Variants in STK31 observed in about 807,000 individuals in gnomAD.
STK31 encodes the protein serine/threonine-protein kinase 31.
STK31 carries 89 observed loss-of-function variants against 129.7 expected under a neutral mutation model. That is an observed-to-expected ratio of 0.69 (90% CI 0.58 to 0.82). The LOEUF (loss-of-function observed/expected upper bound fraction) is 0.82, where lower values mean the gene tolerates loss of function less well. STK31 is among the 40% of genes least tolerant of loss of function. The pLI is 0.00. For synonymous variants in STK31, 448 were observed against 395.3 expected (o/e 1.13, Z -1.58); for missense variants, 1,187 against 1,176.4 (o/e 1.01, Z -0.13).
chr7:23,808,169 A>ATATAT (rs10643943), intron 22 of STK31, among the ~76,000 whole-genome samples: 2 of 146,420 alleles, frequency 1.4e-5, no homozygotes, highest in Non-Finnish European at 1.5e-5. Context: ...ATATATATAT[A>ATATAT]TTTTTTGTAG....
At chr7:23,730,878 A>ATATATATATATATATATATATTTTTTT in intron 6 of STK31, among the ~76,000 whole-genome samples, 47 of 59,480 alleles carry the variant, frequency 7.9e-4, no homozygotes, top group South Asian at 1.6e-3. Flanking sequence ...ATATATATAT[A>ATATATATATATATATATATATTTTTTT]TTTTTTTTTT....
intron 22 of STK31, among the ~76,000 whole-genome samples, chr7:23,809,765 C>T (rs1562622302): frequency 6.6e-6 from 1 of 152,150 alleles, no homozygotes; most frequent in African/African-American, 2.4e-5. Flanking sequence ...AATTAAAGTG[C>T]TCCTTCCCCA....
At chr7:23,715,416 G>T (rs995930970) in intron 3 of STK31, among the ~76,000 whole-genome samples, 5 of 149,548 alleles carry the variant, frequency 3.3e-5, no homozygotes, top group Non-Finnish European at 5.9e-5. Flanking sequence ...CCAGGAGTTT[G>T]AGACCAGCCT....
intron 4 of STK31, among the ~76,000 whole-genome samples, chr7:23,719,748 A>G (rs1197261787): frequency 6.6e-6 from 1 of 152,096 alleles, no homozygotes; most frequent in Non-Finnish European, 1.5e-5. Context: ...ACTTGGGACA[A>G]TTTCATGCTT....
intron 8 of STK31, among the ~76,000 whole-genome samples, chr7:23,751,977 A>G (rs1427230130): frequency 4.3e-5 from 6 of 139,478 alleles, no homozygotes; most frequent in Non-Finnish European, 4.7e-5. Flanking sequence ...GGGGAGGGGG[A>G]GGGGAGATAG....
chr7:23,786,982 A>C, intron 20 of STK31, 58 bp downstream of exon 20: 1 of 1,507,270 alleles, frequency 6.6e-7, no homozygotes, highest in Non-Finnish European at 9.2e-7. Context: ...ATAACACCTG[A>C]TATTTATTCA....
chr7:23,831,551 T>G (rs531723781), intron 23 of STK31, among the ~76,000 whole-genome samples: 2 of 152,316 alleles, frequency 1.3e-5, no homozygotes, highest in Non-Finnish European at 2.9e-5. Flanking sequence ...GGTGGAAAGT[T>G]TAACTGGTTT....
At chr7:23,815,889 A>C (rs1584493007) in intron 23 of STK31, among the ~76,000 whole-genome samples, 1 of 120,380 alleles carries the variant, frequency 8.3e-6, no homozygotes, top group Non-Finnish European at 1.9e-5. Context: ...GTATGACTAG[A>C]TATAAAGAGG....
At chr7:23,738,690 G>T (rs981326863) in intron 8 of STK31, among the ~76,000 whole-genome samples, 3 of 152,020 alleles carry the variant, frequency 2.0e-5, no homozygotes, top group Non-Finnish European at 4.4e-5. Flanking sequence ...CTGATAGCTG[G>T]CATTACAGGC....
intron 10 of STK31, among the ~76,000 whole-genome samples, chr7:23,762,081 T>C (rs193087132): frequency 2.4e-3 from 360 of 151,602 alleles, no homozygotes; most frequent in Non-Finnish European, 3.9e-3. Context: ...TTAAAACTTT[T>C]TTATTTTATT....
At chr7:23,740,643 C>T (rs1338500099) in intron 8 of STK31, among the ~76,000 whole-genome samples, 1 of 146,298 alleles carries the variant, frequency 6.8e-6, no homozygotes, top group African/African-American at 2.5e-5. Context: ...TATCCTTCAC[C>T]ACTCCCCCCA....
intron 23 of STK31, among the ~76,000 whole-genome samples, chr7:23,831,148 G>C (rs1436582792): frequency 6.6e-6 from 1 of 152,010 alleles, no homozygotes; most frequent in Middle Eastern, 3.2e-3. Flanking sequence ...AGGTTAATTT[G>C]GTTTTTAAGT....
intron 1 of STK31, among the ~76,000 whole-genome samples, chr7:23,711,440 A>T (rs948148662): frequency 7.0e-6 from 1 of 142,174 alleles, no homozygotes; most frequent in Non-Finnish European, 1.5e-5. Context: ...AAAAAAAAAA[A>T]AACCCATAAA....
At chr7:23,712,207 T>A in intron 2 of STK31, 27 bp from the exon 3 acceptor site, 1 of 1,614,050 alleles carries the variant, frequency 6.2e-7, no homozygotes, top group Non-Finnish European at 8.5e-7. Context: ...AATTTCTAAT[T>A]TTCCTTGTAT....
chr7:23,764,186 A>C (rs1331923310), intron 11 of STK31, among the ~76,000 whole-genome samples: 1 of 152,250 alleles, frequency 6.6e-6, no homozygotes, highest in Non-Finnish European at 1.5e-5. Context: ...ATAAAAGGGC[A>C]GTAATATAGT....
At chr7:23,710,825 T>G in intron 1 of STK31, 3 of 992,384 alleles carry the variant, frequency 3.0e-6, no homozygotes, top group Non-Finnish European at 3.6e-6. Flanking sequence ...CTTCTTGGAG[T>G]GTGTGGAGAG....
chr7:23,788,011 AG>A lies in STK31; in HGVS notation c.2522del (p.Gly841ValfsTer10). 1 of 1,591,298 alleles carries A rather than the reference AG, an allele frequency of 6.3e-7. No individual in the cohort carries two copies. Among genetic ancestry groups the A allele is most frequent in the Admixed American group, 1.7e-5 (1 of 57,300 alleles). On this transcript the variant is annotated frameshift_variant, in exon 21 of 24. Coordinates refer to ENST00000355870, the MANE Select transcript of STK31 (RefSeq NM_031414.5). LOFTEE classifies it high-confidence loss of function. ...TTAAAGGTCATGAAAGGTGTTGCCC[AG>A]GGTCTGCATACATTGCATAAGGCTG... ...ETLKVMKGVA[Q>X]GLHTLHKADI...
chr7:23,729,067 G>C, intron 5 of STK31, 24 bp from the exon 6 acceptor site: 1 of 1,574,012 alleles, frequency 6.4e-7, no homozygotes, highest in Non-Finnish European at 8.6e-7. Flanking sequence ...GTCAGTATTC[G>C]TATTTGTCTC....
rs542542094 is a variant in STK31, at chr7:23,797,761, C to G, written c.2760+6815C>G. Among the ~76,000 whole-genome samples, 7 of 151,426 alleles carry G rather than the reference C, an allele frequency of 4.6e-5. No individual in the cohort carries two copies. In the East Asian group the frequency reaches 1.4e-3, roughly 29 times the overall value. ...GTAGAAGACAAGAAATAATTAAGAT[C>G]AGGGCAGAACTGCAGGAGCTGGAGA... On this transcript the variant is annotated intron_variant, in intron 22 of 23. Transcript: ENST00000355870.
Sources: gnomAD v4.1 joint callset for allele counts (sites outside exome capture counted in the v4.1 genomes callset) on GRCh38, gnomAD v4.1.1 for gene constraint, MANE v1.5 for transcripts, NCBI Gene and HGNC (gene_info 2026-07-23, HGNC 2026-07-21) for gene names.